Variants in CDK6 observed in about 807,000 individuals in gnomAD.
The protein encoded by CDK6 is cyclin-dependent kinase 6.
CDK6 carries 6 observed loss-of-function variants against 37.1 expected under a neutral mutation model. The ratio of observed to expected loss-of-function variants is 0.16; its 90% CI spans 0.09 to 0.32. The LOEUF (loss-of-function observed/expected upper bound fraction) is 0.32. Among genes scored for constraint, CDK6 ranks in the 10% least tolerant of loss-of-function variants. CDK6 has a pLI of 1.00. For missense variants in CDK6, 224 were observed against 418.9 expected (o/e 0.53, Z 4.06); for synonymous variants, 160 against 161.3 (o/e 0.99, Z 0.06).
intron 4 of CDK6, chr7:92,701,784 A>G (rs535874913): frequency 6.6e-6 from 1 of 152,490 alleles, no homozygotes; most frequent in South Asian, 2.1e-4. Flanking sequence ...TATCGTTCTA[A>G]TTTTAGTACA....
rs531598838 is a variant in CDK6 at position 92,806,704 on chromosome 7, A to G, written c.233+26387T>C. Among the ~76,000 whole-genome samples, 6 of 152,328 alleles carry G rather than the reference A, an allele frequency of 3.9e-5. No individual in the cohort carries two copies. The South Asian group carries it at 1.2e-3, about 32-fold the overall frequency. ...TAAAAACCAATAGAAATTTTGCAAC[A>G]TGCGGAACAGACCGACTTCTCTTGT... On this transcript the variant is annotated intron_variant, in intron 2 of 7. Transcript: ENST00000424848.
At chr7:92,749,962 G>C (rs1295387984) in intron 3 of CDK6, among the ~76,000 whole-genome samples, 2 of 152,142 alleles carry the variant, frequency 1.3e-5, no homozygotes, top group Non-Finnish European at 2.9e-5. Flanking sequence ...TAGTTGAGGA[G>C]AATAAAATGT....
intron 4 of CDK6, among the ~76,000 whole-genome samples, chr7:92,681,606 G>A (rs1271381650): frequency 1.3e-5 from 2 of 152,168 alleles, no homozygotes; most frequent in Non-Finnish European, 2.9e-5. Flanking sequence ...CAGTGTGGTC[G>A]CAAATTAGGA....
chr7:92,628,288 G>GA (rs35489511), intron 5 of CDK6, among the ~76,000 whole-genome samples: 36,346 of 150,672 alleles, frequency 0.24, 4,746 homozygotes, highest in Middle Eastern at 0.37. Flanking sequence ...AAAATCAGAA[G>GA]AAAAAAAAAC....
At chr7:92,832,714 T>A (rs562134883) in intron 2 of CDK6, among the ~76,000 whole-genome samples, 2 of 152,322 alleles carry the variant, frequency 1.3e-5, no homozygotes, top group Admixed American at 6.5e-5. Flanking sequence ...CCCAACGGCA[T>A]GGCCACGAAA....
At chr7:92,831,305 TAAAC>T (rs965660724) in intron 2 of CDK6, among the ~76,000 whole-genome samples, 1 of 152,236 alleles carries the variant, frequency 6.6e-6, no homozygotes, top group Non-Finnish European at 1.5e-5. Flanking sequence ...GTAAGCTTTG[TAAAC>T]AATAGTGTTA....
chr7:92,664,247 A>C (rs1796906735), intron 5 of CDK6, among the ~76,000 whole-genome samples: 1 of 152,174 alleles, frequency 6.6e-6, no homozygotes, highest in South Asian at 2.1e-4. Context: ...AAAAGGTAAG[A>C]AATCTGAAAG....
chr7:92,697,818 C>T (rs979708355), intron 4 of CDK6, among the ~76,000 whole-genome samples: 5 of 152,160 alleles, frequency 3.3e-5, no homozygotes, highest in African/African-American at 1.2e-4. Context: ...GAAGAAGCTG[C>T]AATACTTGGT....
At chr7:92,619,402 C>T (rs1249628847) in intron 6 of CDK6, among the ~76,000 whole-genome samples, 1 of 152,108 alleles carries the variant, frequency 6.6e-6, no homozygotes. Context: ...CTCACACAGA[C>T]TGTATAACTC....
chr7:92,713,265 G>A (rs1798143627), intron 4 of CDK6, among the ~76,000 whole-genome samples: 1 of 152,076 alleles, frequency 6.6e-6, no homozygotes, highest in Non-Finnish European at 1.5e-5. Flanking sequence ...AGTATAAGTA[G>A]TTTTACATAA....
At chr7:92,805,044 A>G (rs895098184) in intron 2 of CDK6, among the ~76,000 whole-genome samples, 6 of 152,202 alleles carry the variant, frequency 3.9e-5, no homozygotes. Context: ...GAAAGCCTAT[A>G]ATTTCTTAAC....
intron 5 of CDK6, among the ~76,000 whole-genome samples, chr7:92,629,966 C>A (rs927370351): frequency 2.0e-5 from 3 of 151,996 alleles, no homozygotes; most frequent in African/African-American, 7.3e-5. Context: ...TGGCACTAAT[C>A]CAATCATGGG....
chr7:92,672,206 C>CAG (rs1797101221), intron 4 of CDK6, among the ~76,000 whole-genome samples: 3 of 127,460 alleles, frequency 2.4e-5, no homozygotes, highest in East Asian at 2.2e-4. Flanking sequence ...CACACACACA[C>CAG]ACACACACAC....
At chr7:92,805,562 G>C (rs528223692) in intron 2 of CDK6, among the ~76,000 whole-genome samples, 47 of 152,010 alleles carry the variant, frequency 3.1e-4, no homozygotes, top group Non-Finnish European at 5.3e-4. Flanking sequence ...GTTGAAATTG[G>C]AAAGGATGTT....
chr7:92,643,487 A>C (rs943657998), intron 5 of CDK6, among the ~76,000 whole-genome samples: 5 of 152,244 alleles, frequency 3.3e-5, no homozygotes, highest in African/African-American at 1.2e-4. Context: ...AGGGAGAAAG[A>C]AAATCATTAA....
chr7:92,650,727 G>A (rs1796553743), intron 5 of CDK6, among the ~76,000 whole-genome samples: 1 of 152,164 alleles, frequency 6.6e-6, no homozygotes, highest in South Asian at 2.1e-4. Context: ...TGAGGTCCCT[G>A]TCTCCTTGCC....
At chr7:92,693,102 T>C (rs981602083) in intron 4 of CDK6, among the ~76,000 whole-genome samples, 1 of 152,196 alleles carries the variant, frequency 6.6e-6, no homozygotes, top group Non-Finnish European at 1.5e-5. Context: ...ATCTGCATAG[T>C]GGAAAATTAT....
At chr7:92,828,555 G>A (rs1411360447) in intron 2 of CDK6, among the ~76,000 whole-genome samples, 2 of 152,040 alleles carry the variant, frequency 1.3e-5, no homozygotes, top group Admixed American at 6.6e-5. Flanking sequence ...ACTTTCCTAA[G>A]AAATCATTAA....
At position 92,662,812 on chromosome 7, in the gene CDK6, T is replaced by C. The variant is rs188562995; in HGVS notation, c.647+8614A>G. On this transcript the variant is annotated intron_variant, in intron 5 of 7. Coordinates refer to ENST00000424848, the MANE Select transcript of CDK6 (RefSeq NM_001145306.2). The stretch of plus-strand genomic sequence containing the variant: ...GCCATTAGGACTGGGGAGACAGGAG[T>C]GTAAGAGGATTGCAAAGAGAAGTTG... Among the ~76,000 whole-genome samples the C allele has an allele frequency of 1.1e-4, 17 of 151,324 alleles. No individual in the cohort carries two copies. In the East Asian group the frequency reaches 3.3e-3, roughly 30 times the overall value.
Sources: gnomAD v4.1 joint callset for allele counts (sites outside exome capture counted in the v4.1 genomes callset) on GRCh38, gnomAD v4.1.1 for gene constraint, MANE v1.5 for transcripts, NCBI Gene and HGNC (gene_info 2026-07-23, HGNC 2026-07-21) for gene names.